C19orf25: variants seen among roughly 807,000 people sequenced by gnomAD.
The protein encoded by C19orf25 is chromosome 19 open reading frame 25, also known as UPF0449 protein C19orf25.
Under a neutral mutation model 3.1 loss-of-function variants are expected in C19orf25, and 1 was observed. The ratio of observed to expected loss-of-function variants is 0.32; its 90% CI spans 0.12 to 1.54. The LOEUF (loss-of-function observed/expected upper bound fraction) is 1.54, where lower values mean the gene tolerates loss of function less well. C19orf25 is among the 40% of genes most tolerant of loss of function. The pLI is 0.38. For missense variants in C19orf25, 196 were observed against 160.4 expected (o/e 1.22, Z -1.20); for synonymous variants, 91 against 74.3 (o/e 1.23, Z -1.16).
chr19:1,476,214 C>T, intron 2 of C19orf25: 2 of 398,854 alleles, frequency 5.0e-6, no homozygotes, highest in Non-Finnish European at 8.8e-6. Context: ...TCTGGCCTGC[C>T]CCTCGGCAGT....
At chr19:1,475,794 C>T (rs954078884) in intron 2 of C19orf25, 1 of 193,662 alleles carries the variant, frequency 5.2e-6, no homozygotes, top group Non-Finnish European at 1.0e-5. Context: ...CTAGGCTACC[C>T]GCCTTAGCAA....
At chr19:1,475,999 A>AG (rs2084201825) in intron 2 of C19orf25, 6 of 391,888 alleles carry the variant, frequency 1.5e-5, no homozygotes, top group Non-Finnish European at 2.7e-5. Context: ...AAACCTCTCC[A>AG]GGGGCCGTGC....
intron 2 of C19orf25, among the ~76,000 whole-genome samples, chr19:1,477,301 CG>C (rs2084215173): frequency 6.6e-6 from 1 of 152,166 alleles, no homozygotes; most frequent in Non-Finnish European, 1.5e-5. Context: ...CGCACCTGGC[CG>C]ATTCATCTTC....
At chr19:1,478,636 C>A (rs900438262) in intron 2 of C19orf25, 138 bp downstream of exon 2, 1 of 1,455,830 alleles carries the variant, frequency 6.9e-7, no homozygotes, top group Middle Eastern at 1.8e-4. Context: ...TAGAGGGAGA[C>A]TCGGAGAGGA....
intron 2 of C19orf25, among the ~76,000 whole-genome samples, chr19:1,478,032 G>A (rs1599179267): frequency 6.6e-6 from 1 of 152,046 alleles, no homozygotes; most frequent in Admixed American, 6.6e-5. Flanking sequence ...TAGAGACAAG[G>A]TTCCACCATG....
At chr19:1,476,384 C>T (rs1010356378) in intron 2 of C19orf25, 9 of 397,986 alleles carry the variant, frequency 2.3e-5, no homozygotes, top group Non-Finnish European at 4.0e-5. Context: ...CCCCGTCCCC[C>T]GCACAGCGTG....
intron 2 of C19orf25, among the ~76,000 whole-genome samples, chr19:1,477,645 G>A (rs570852358): frequency 1.2e-4 from 18 of 152,208 alleles, no homozygotes; most frequent in South Asian, 6.2e-4. Context: ...GCTGTGTGCC[G>A]TAAACCTTTA....
chr19:1,475,277 G>C lies in C19orf25; in HGVS notation c.131-19C>G, dbSNP rs1380054448. 9 of 1,529,258 alleles carry C rather than the reference G, an allele frequency of 5.9e-6. No individual in the cohort carries two copies. Among genetic ancestry groups the C allele is most frequent in the Non-Finnish European group, 8.0e-6 (9 of 1,131,470 alleles). The allele number at this position is 1,529,258 out of a possible 1,614,324, so 94.7% of individuals were successfully genotyped here. ...GGGGGGTCTGAGACAGGACACAGCA[G>C]CATCACTGCCTGCTGACCACCCCAT... On this transcript the variant is annotated intron_variant, in intron 2 of 2. Transcript: ENST00000585675.
intron 2 of C19orf25, 149 bp from the exon 3 acceptor site, chr19:1,475,407 T>C (rs1384542719): frequency 1.3e-6 from 1 of 777,070 alleles, no homozygotes; most frequent in Non-Finnish European, 2.0e-6. Context: ...TGCAGCCAGG[T>C]GTGGTGGCTC....
chr19:1,478,625 G>C (rs1179031865), intron 2 of C19orf25, 149 bp downstream of exon 2: 18 of 1,445,478 alleles, frequency 1.2e-5, no homozygotes, highest in African/African-American at 8.7e-5. Flanking sequence ...CTACGGAGGA[G>C]TAGAGGGAGA....
At position 1,475,203 on chromosome 19, in the gene C19orf25, G is replaced by A; in HGVS notation, c.186C>T (p.Leu62=). 1 of 1,567,092 alleles carries A rather than the reference G, an allele frequency of 6.4e-7. No individual in the cohort carries two copies. The highest frequency in any genetic ancestry group is 8.6e-7 in the Non-Finnish European group (1 of 1,157,072). The change falls in exon 3 of 3, where the codon CTC becomes CTT. Residue 62 remains leucine (L), a synonymous_variant. Coordinates refer to ENST00000585675, the MANE Select transcript of C19orf25 (RefSeq NM_152482.3). ...MEDAEAPGEQ[L]YQQSRAYVAA... is the part of the protein sequence containing the mutation. ...CCACGTAGGCCCGGCTTTGCTGGTA[G>A]AGCTGCTCTCCCGGGGCCTCCGCAT...
intron 1 of C19orf25, 103 bp from the exon 2 acceptor site, chr19:1,479,008 G>A (rs1461819497): frequency 2.8e-6 from 4 of 1,418,964 alleles, no homozygotes; most frequent in South Asian, 3.0e-5. Context: ...TCGCGGTCCC[G>A]CTCCCGGGGA....
chr19:1,478,914 G>C lies in C19orf25; in HGVS notation c.-2-9C>G, dbSNP rs781475466. The C allele has an allele frequency of 2.8e-5, 44 of 1,583,422 alleles. No individual in the cohort carries two copies. The highest frequency in any genetic ancestry group is 3.7e-5 in the Non-Finnish European group (43 of 1,168,490). ...TGCCTTGGAGCCCATCTCTGAAGGC[G>C]GGGAAGGGGGCGCTGACCGGGGCGT... On this transcript the variant is annotated splice_polypyrimidine_tract_variant and intron_variant, in intron 1 of 2. Transcript: ENST00000585675.
intron 2 of C19orf25, chr19:1,476,335 G>C (rs1202512705): frequency 1.0e-5 from 4 of 398,784 alleles, no homozygotes; most frequent in African/African-American, 8.2e-5. Flanking sequence ...GCAGTGCCTG[G>C]ATGAAGGCAC....
chr19:1,476,487 G>A, intron 2 of C19orf25: 1 of 392,080 alleles, frequency 2.6e-6, no homozygotes, highest in Non-Finnish European at 4.5e-6. Flanking sequence ...CTGCATGCTG[G>A]GAATAAAACC....
At position 1,478,836 on chromosome 19, in the gene C19orf25, A is replaced by G. The variant is rs2084234228; in HGVS notation, c.68T>C (p.Ile23Thr). 2.5e-6 allele frequency: 4 copies of G among 1,596,818 alleles called. No individual in the cohort carries two copies. Among genetic ancestry groups the G allele is most frequent in the Non-Finnish European group, 3.4e-6 (4 of 1,173,024 alleles). The change falls in exon 2 of 3, where the codon ATC becomes ACC. Residue 23 changes from isoleucine (I) to threonine (T), a missense_variant. Transcript: ENST00000585675. ...CGGCGCACCCCGCACATCCTCCAGG[A>G]TCTGCTCCACCGTGGGGGGCGCTGG... is the stretch of plus-strand genomic sequence containing the variant. ...TRPAPPTVEQ[I>T]LEDVRGAPAE...
At position 1,474,754 on chromosome 19, in the gene C19orf25, AC is replaced by A. The variant is rs1369309043; in HGVS notation, c.*277del. Reference sequence around the variant, plus strand: ...TGCAGAGCACGGCCACTGTGAGCTGACGACAGAATCACAGTACAGCAATAAT... The same window carrying A: ...TGCAGAGCACGGCCACTGTGAGCTGAGACAGAATCACAGTACAGCAATAAT... On this transcript the variant is annotated 3_prime_UTR_variant, in exon 3 of 3. Transcript: ENST00000585675. 1 of 1,411,802 alleles carries A rather than the reference AC, an allele frequency of 7.1e-7. No individual in the cohort carries two copies. Among genetic ancestry groups the A allele is most frequent in the East Asian group, 2.5e-5 (1 of 39,650 alleles). The allele number at this position is 1,411,802 out of a possible 1,614,324, so 87.5% of individuals were successfully genotyped here. A position where few individuals can be genotyped will look rare whatever the true frequency, so the allele number is the denominator to read the frequency against.
At position 1,478,818 on chromosome 19, in the gene C19orf25, C is replaced by A; in HGVS notation, c.86G>T (p.Gly29Val). ...TVEQILEDVR[G>V]APAEDPVFTI... ...GAACACTGGATCCTCTGCCGGCGCA[C>A]CCCGCACATCCTCCAGGATCTGCTC... Residue 29 changes from glycine (G) to valine (V), a missense_variant, in exon 2 of 3, where the codon GGT becomes GTT. By Grantham distance (109) the Gly-to-Val change is moderately radical. Transcript: ENST00000585675. 1 of 1,590,140 alleles carries A rather than the reference C, an allele frequency of 6.3e-7. No homozygotes were observed. The highest frequency in any genetic ancestry group is 8.6e-7 in the Non-Finnish European group (1 of 1,169,334).
chr19:1,475,050 C>T lies in C19orf25; in HGVS notation c.339G>A (p.Glu113=). 1.3e-6 allele frequency: 2 copies of T among 1,594,722 alleles called. No individual in the cohort carries two copies. Among genetic ancestry groups the T allele is most frequent in the South Asian group, 1.1e-5 (1 of 88,432 alleles). The change falls in exon 3 of 3, where the codon GAG becomes GAA. Residue 113 remains glutamate (E), a synonymous_variant. Transcript: ENST00000585675. ...QMKQAALPAA[E]AASSG is the part of the protein sequence containing the mutation. ...CGAGAGGTCAGCCTGAGGAGGCAGC[C>T]TCGGCTGCCGGTAATGCTGCCTGCT...
Sources: gnomAD v4.1 joint callset for allele counts (sites outside exome capture counted in the v4.1 genomes callset) on GRCh38, gnomAD v4.1.1 for gene constraint, MANE v1.5 for transcripts, NCBI Gene and HGNC (gene_info 2026-07-23, HGNC 2026-07-21) for gene names.